The following PHLPP1 variants were observed in gnomAD, a reference collection of about 807,000 sequenced individuals.
The protein encoded by PHLPP1 is PH domain and leucine rich repeat protein phosphatase 1, also known as PH domain leucine-rich repeat-containing protein phosphatase 1.
PHLPP1 carries 42 observed loss-of-function variants against 117.2 expected under a neutral mutation model. That is an observed-to-expected ratio of 0.36 (90% CI 0.28 to 0.46). The LOEUF (loss-of-function observed/expected upper bound fraction) is 0.46. Ranked by LOEUF, PHLPP1 falls within the 20% of genes least tolerant of loss-of-function variation. The pLI is 1.00. For missense variants in PHLPP1, 2,084 were observed against 2,241.9 expected, an observed-to-expected ratio of 0.93 and a Z score of 1.42; for synonymous variants, 1,042 against 970.7, an observed-to-expected ratio of 1.07 and a Z score of -1.37.
intron 2 of PHLPP1, among the ~76,000 whole-genome samples, chr18:62,836,475 AT>A (rs1267207328): frequency 1.0e-3 from 141 of 141,562 alleles, no homozygotes; most frequent in African/African-American, 1.6e-3. Flanking sequence ...AAATAAATAA[AT>A]AAATAAATAA....
Position 62,941,905 on chromosome 18 carries a change from A to G in PHLPP1, c.3148A>G (p.Ser1050Gly), listed in dbSNP as rs2144453599. 5 of 1,613,478 alleles carry G rather than the reference A, an allele frequency of 3.1e-6. No individual in the cohort carries two copies. Among genetic ancestry groups the G allele is most frequent in the Non-Finnish European group, 4.2e-6 (5 of 1,179,482 alleles). The stretch of plus-strand genomic sequence containing the variant: ...TCACATGGCCTATAACCGACTTCAG[A>G]GTTTTCCAGCAAGGTAAAGGACAGT... ...ILHMAYNRLQSFPASKMAKLE... is the reference protein window; with the variant it reads ...ILHMAYNRLQGFPASKMAKLE... The change falls in exon 11 of 17, where the codon AGT becomes GGT. Residue 1050 changes from serine (S) to glycine (G), a missense_variant. Ser to Gly is a moderately conservative substitution (Grantham distance 56). Around this residue, in one of 2 missense-constraint regions of PHLPP1, gnomAD observed 1,365 missense variants for 1,605.9 expected, o/e 0.85. Coordinates refer to ENST00000262719, the MANE Select transcript of PHLPP1 (RefSeq NM_194449.4).
intron 12 of PHLPP1, among the ~76,000 whole-genome samples, chr18:62,954,636 G>A (rs984209075): frequency 5.3e-5 from 8 of 152,020 alleles, no homozygotes; most frequent in African/African-American, 1.2e-4. Flanking sequence ...TTCTGTGAAC[G>A]AACCTCCTTC....
chr18:62,753,639 A>C lies in PHLPP1; in HGVS notation c.1576+36380A>C, dbSNP rs139722318. Among the ~76,000 whole-genome samples, 92 of 152,316 alleles carry C rather than the reference A, an allele frequency of 6.0e-4. No individual in the cohort carries two copies. In the Middle Eastern group the frequency reaches 0.031, roughly 51 times the overall value. The stretch of plus-strand genomic sequence containing the variant: ...TTTAGAAATTCATTAGTTACTAAAC[A>C]TTGAGACAGGAGCATGCCCTGTCCA... On this transcript the variant is annotated intron_variant, in intron 1 of 16. Coordinates refer to ENST00000262719, the MANE Select transcript of PHLPP1 (RefSeq NM_194449.4).
rs1910694443 is a variant in PHLPP1, at chr18:62,715,658, G to T, written c.-26G>T. 3.9e-6 allele frequency: 5 copies of T among 1,265,830 alleles called. No homozygotes were observed. The highest frequency in any genetic ancestry group is 4.1e-5 in the Admixed American group (1 of 24,598). 78.4% of individuals were successfully genotyped at this position (1,265,830 alleles called of 1,614,324 possible). Reference sequence around the variant, plus strand: ...TCTCCGCCCGCTGCCTCCGGAGCTGGGGGGGAAACGCGAAGCCCCACTGCA... The same window carrying T: ...TCTCCGCCCGCTGCCTCCGGAGCTGTGGGGGAAACGCGAAGCCCCACTGCA... On this transcript the variant is annotated 5_prime_UTR_variant, in exon 1 of 17. Coordinates refer to ENST00000262719, the MANE Select transcript of PHLPP1 (RefSeq NM_194449.4).
In PHLPP1 at chr18:62,715,998, G is replaced by A. The variant is rs576395177; in HGVS notation, c.315G>A (p.Gly105=). The A allele has an allele frequency of 3.5e-4, 479 of 1,364,280 alleles. 2 individuals carry two copies. The African/African-American group carries it at 6.8e-3, about 19-fold the overall frequency. 84.5% of individuals were successfully genotyped at this position (1,364,280 alleles called of 1,614,324 possible). A position where few individuals can be genotyped will look rare whatever the true frequency, so the allele number is the denominator to read the frequency against. Residue 105 remains glycine (G), a synonymous_variant, in exon 1 of 17, where the codon GGG becomes GGA. Coordinates refer to ENST00000262719, the MANE Select transcript of PHLPP1 (RefSeq NM_194449.4). ...RRGAPQPIAG[G]AAPVPGAGGG... ...GGGCGCCCCAGCCCATTGCCGGCGGGGCTGCCCCCGTACCCGGGGCCGGCG... is the reference window on the plus strand; with the variant it reads ...GGGCGCCCCAGCCCATTGCCGGCGGAGCTGCCCCCGTACCCGGGGCCGGCG...
chr18:62,927,201 A>G (rs1909658458), intron 10 of PHLPP1, among the ~76,000 whole-genome samples: 2 of 152,246 alleles, frequency 1.3e-5, no homozygotes, highest in South Asian at 4.1e-4. Flanking sequence ...GTCCAAACAA[A>G]GAGATCCCTT....
chr18:62,785,982 C>T (rs78669772), intron 1 of PHLPP1, among the ~76,000 whole-genome samples: 3 of 152,164 alleles, frequency 2.0e-5, no homozygotes, highest in African/African-American at 7.2e-5. Context: ...TCTCTTATCA[C>T]CCTCTTTGAC....
chr18:62,859,491 A>C (rs1915578462), intron 3 of PHLPP1, among the ~76,000 whole-genome samples: 1 of 152,226 alleles, frequency 6.6e-6, no homozygotes, highest in South Asian at 2.1e-4. Context: ...AGCACAATGA[A>C]TTTGTAAGCA....
At chr18:62,721,429 G>T (rs184753163) in intron 1 of PHLPP1, among the ~76,000 whole-genome samples, 78 of 144,390 alleles carry the variant, frequency 5.4e-4, no homozygotes, top group Non-Finnish European at 6.2e-4. Flanking sequence ...GAGGGGTGTG[G>T]GTGTGTGTGT....
chr18:62,830,077 C>T lies in PHLPP1; in HGVS notation c.1619C>T (p.Ser540Leu), dbSNP rs1488919212. 1 of 1,613,690 alleles carries T rather than the reference C, an allele frequency of 6.2e-7. No homozygotes were observed. The highest frequency in any genetic ancestry group is 8.5e-7 in the Non-Finnish European group (1 of 1,179,736). ...GGTAGCTCTGAACGGATTCAGCTCT[C>T]AGGAATGTATAATGTCCGTAAAGGC... ...STGSSERIQL[S>L]GMYNVRKGKM... is the part of the protein sequence containing the mutation. The change falls in exon 2 of 17, where the codon TCA becomes TTA. Residue 540 changes from serine to leucine, a missense_variant. Around this residue, in one of 2 missense-constraint regions of PHLPP1, gnomAD observed 1,365 missense variants for 1,605.9 expected, o/e 0.85. Transcript: ENST00000262719.
At chr18:62,930,278 A>G (rs1385795899) in intron 10 of PHLPP1, among the ~76,000 whole-genome samples, 1 of 152,232 alleles carries the variant, frequency 6.6e-6, no homozygotes, top group African/African-American at 2.4e-5. Flanking sequence ...GACAGAGTTG[A>G]GACTCAGATA....
chr18:62,806,800 A>T lies in PHLPP1; in HGVS notation c.1577-23235A>T, dbSNP rs112583831. 1.3e-3 allele frequency among the ~76,000 whole-genome samples: 199 copies of T among 152,140 alleles called. 1 individual carries two copies. The highest frequency in any genetic ancestry group is 4.6e-3 in the African/African-American group (190 of 41,518). ...AGATAGTATGAGATTATATTCTTCA[A>T]CTCTAAAGCTTTTAAATATAGTTTT... On this transcript the variant is annotated intron_variant, in intron 1 of 16. Transcript: ENST00000262719.
intron 1 of PHLPP1, among the ~76,000 whole-genome samples, chr18:62,827,685 A>T (rs1914647003): frequency 6.6e-6 from 1 of 152,214 alleles, no homozygotes; most frequent in Non-Finnish European, 1.5e-5. Flanking sequence ...GGACAGGCTG[A>T]TCTGACTGTT....
intron 1 of PHLPP1, among the ~76,000 whole-genome samples, chr18:62,766,076 A>AAAAAAAAAAAAAATCTATAT: frequency 4.6e-5 from 1 of 21,648 alleles, no homozygotes; most frequent in African/African-American, 1.5e-4. Context: ...AAAAAAAAAA[A>AAAAAAAAAAAAAATCTATAT]ATATATATAT....
At chr18:62,866,773 G>C (rs183915159) in intron 4 of PHLPP1, among the ~76,000 whole-genome samples, 26 of 152,256 alleles carry the variant, frequency 1.7e-4, no homozygotes, top group Admixed American at 6.5e-4. Context: ...TTGCCTTTTA[G>C]TTCTTACAGA....
At chr18:62,960,473 T>C (rs1204164691) in intron 13 of PHLPP1, among the ~76,000 whole-genome samples, 2 of 152,100 alleles carry the variant, frequency 1.3e-5, no homozygotes, top group Non-Finnish European at 2.9e-5. Context: ...AGAGTAGATA[T>C]AAATGGCAAA....
At chr18:62,865,265 G>A (rs1325870785) in intron 4 of PHLPP1, among the ~76,000 whole-genome samples, 2 of 152,184 alleles carry the variant, frequency 1.3e-5, no homozygotes, top group Non-Finnish European at 2.9e-5. Flanking sequence ...GTTTGAGGCT[G>A]CGGTGAGCCA....
chr18:62,841,668 A>G lies in PHLPP1; in HGVS notation c.1899+2759A>G, dbSNP rs536730400. ...GTTTTTCATGACCTTGACAGTTTTG[A>G]GGAATACTGATGAGGTATTCCTCAA... is the stretch of plus-strand genomic sequence containing the variant. On this transcript the variant is annotated intron_variant, in intron 3 of 16. Transcript: ENST00000262719. 1.7e-3 allele frequency among the ~76,000 whole-genome samples: 258 copies of G among 152,124 alleles called. 1 individual carries two copies. The highest frequency in any genetic ancestry group is 5.2e-3 in the Admixed American group (80 of 15,270).
At chr18:62,852,585 C>T (rs549804221) in intron 3 of PHLPP1, among the ~76,000 whole-genome samples, 4 of 152,216 alleles carry the variant, frequency 2.6e-5, no homozygotes, top group South Asian at 2.1e-4. Context: ...CATCATGATC[C>T]GCCCGCCTCG....
Sources: allele counts gnomAD v4.1 joint callset (sites outside exome capture counted in the v4.1 genomes callset), GRCh38; gene constraint gnomAD v4.1.1; regional missense constraint gnomAD v4.1.1; transcripts MANE v1.5; gene names NCBI Gene and HGNC (gene_info 2026-07-23, HGNC 2026-07-21).